TCF20: variants seen among roughly 807,000 people sequenced by gnomAD.
TCF20 encodes the protein transcription factor 20, also known as SPRE-binding protein.
In TCF20, 3 loss-of-function variants were observed where a neutral mutation model predicts 148.6. The observed-to-expected ratio is 0.02, with a 90% CI of 0.01 to 0.05. The LOEUF is 0.05. TCF20 is among the 10% of genes least tolerant of loss of function. The pLI, the probability that TCF20 is intolerant of heterozygous loss-of-function variation, is 1.00. For missense variants in TCF20, 2,350 were observed against 2,429.3 expected (o/e 0.97, Z 0.69); for synonymous variants, 1,049 against 909.5 (o/e 1.15, Z -2.76).
At chr22:42,249,167 C>A (rs1205869367) in intron 1 of TCF20, among the ~76,000 whole-genome samples, 4 of 152,206 alleles carry the variant, frequency 2.6e-5, no homozygotes. Flanking sequence ...CAGTGGCCCC[C>A]TGAATTCTGA....
At chr22:42,165,322 G>A (rs2147039783) in intron 5 of TCF20, among the ~76,000 whole-genome samples, 1 of 152,362 alleles carries the variant, frequency 6.6e-6, no homozygotes, top group South Asian at 2.1e-4. Flanking sequence ...TCTGTGCAGG[G>A]TACATAGCAT....
rs189679993 is a variant in TCF20, at chr22:42,290,910, C to T, written c.-37+52569G>A. ...TCAGGGGCTTTGCAAAGCACCCCCT[C>T]TTACCTTACCTCGGTACAACCTCAG... On this transcript the variant is annotated intron_variant, in intron 1 of 1. Transcript: ENST00000515426. The surrounding 1 kb of genome is among the most constrained non-coding windows in gnomAD (Gnocchi z 4.2). 7.2e-5 allele frequency among the ~76,000 whole-genome samples: 11 copies of T among 152,334 alleles called. No homozygotes were observed. In the East Asian group the frequency reaches 2.1e-3, roughly 29 times the overall value.
rs1447843951 is a variant in TCF20 at position 42,211,742 on chromosome 22, A to G, written c.3564T>C (p.Cys1188=). 10 of 1,614,192 alleles carry G rather than the reference A, an allele frequency of 6.2e-6. No homozygotes were observed. Among genetic ancestry groups the G allele is most frequent in the Non-Finnish European group, 7.6e-6 (9 of 1,180,038 alleles). ...KHGSQKLQES[C]WDLSRQTSPA... ...GAGAAGTTTGCCGAGAAAGATCCCA[A>G]CAGGATTCTTGTAACTTCTGGGAGC... The change falls in exon 2 of 6, where the codon TGT becomes TGC. Residue 1188 remains cysteine, a synonymous_variant. Transcript: ENST00000677622.
chr22:42,306,652 C>T (rs893336377), intron 1 of TCF20, among the ~76,000 whole-genome samples: 6 of 152,168 alleles, frequency 3.9e-5, no homozygotes, highest in South Asian at 2.1e-4. Flanking sequence ...TGGGTGCCTT[C>T]GCCTCAGGAG....
At chr22:42,185,524 A>G (rs1205339843) in intron 2 of TCF20, among the ~76,000 whole-genome samples, 1 of 152,158 alleles carries the variant, frequency 6.6e-6, no homozygotes, top group Non-Finnish European at 1.5e-5. Context: ...GCCACCAGCA[A>G]AAAGTTTTTT....
chr22:42,189,511 T>A (rs568941707), intron 2 of TCF20, among the ~76,000 whole-genome samples: 2 of 152,338 alleles, frequency 1.3e-5, no homozygotes, highest in African/African-American at 4.8e-5. Context: ...GAGAAACCTT[T>A]TATAGAACAC....
At chr22:42,198,231 A>G (rs1486997285) in intron 2 of TCF20, among the ~76,000 whole-genome samples, 1 of 152,244 alleles carries the variant, frequency 6.6e-6, no homozygotes, top group African/African-American at 2.4e-5. Context: ...CTACACTGTG[A>G]TGATGGAGAC....
At chr22:42,180,219 C>G (rs1258193154) in intron 2 of TCF20, among the ~76,000 whole-genome samples, 1 of 152,164 alleles carries the variant, frequency 6.6e-6, no homozygotes, top group Non-Finnish European at 1.5e-5. Context: ...TATTTTTGAT[C>G]TACTTACCCC....
chr22:42,287,095 G>A (rs1300672414), upstream of TCF20, among the ~76,000 whole-genome samples: 1 of 152,086 alleles, frequency 6.6e-6, no homozygotes, highest in African/African-American at 2.4e-5. Flanking sequence ...GCATGGATAG[G>A]AGGGTATGGG....
chr22:42,302,999 C>T (rs548570039), intron 1 of TCF20, among the ~76,000 whole-genome samples: 160 of 152,296 alleles, frequency 1.1e-3, no homozygotes, highest in African/African-American at 3.8e-3. Flanking sequence ...GCACAATCTC[C>T]GCTCACTGCA....
At chr22:42,312,349 A>G (rs1465563185) in intron 1 of TCF20, among the ~76,000 whole-genome samples, 1 of 152,148 alleles carries the variant, frequency 6.6e-6, no homozygotes, top group Non-Finnish European at 1.5e-5. Context: ...GCTGCTGAGA[A>G]TGAGATCCCC....
At chr22:42,230,781 C>T (rs984408461) in intron 1 of TCF20, among the ~76,000 whole-genome samples, 2 of 152,044 alleles carry the variant, frequency 1.3e-5, no homozygotes, top group East Asian at 3.8e-4. Context: ...TATTCTGACC[C>T]TGTGTAGGTT....
intron 2 of TCF20, among the ~76,000 whole-genome samples, chr22:42,194,069 A>C (rs1216983382): frequency 6.6e-6 from 1 of 152,192 alleles, no homozygotes; most frequent in Non-Finnish European, 1.5e-5. Flanking sequence ...AAGGAGCTAA[A>C]GGCAACAACT....
At chr22:42,289,015 C>T (rs1160732085) in intron 1 of TCF20, among the ~76,000 whole-genome samples, 1 of 152,226 alleles carries the variant, frequency 6.6e-6, no homozygotes, top group Non-Finnish European at 1.5e-5. Context: ...GATCAGGAGG[C>T]TCCTTTCCAG....
upstream of TCF20, among the ~76,000 whole-genome samples, chr22:42,287,262 A>T (rs889985910): frequency 6.6e-6 from 1 of 152,144 alleles, no homozygotes; most frequent in Non-Finnish European, 1.5e-5. Flanking sequence ...TTTGTTCTGG[A>T]CACATTATTG....
chr22:42,202,577 C>G (rs1005079529), intron 2 of TCF20, among the ~76,000 whole-genome samples: 1 of 152,236 alleles, frequency 6.6e-6, no homozygotes, highest in African/African-American at 2.4e-5. Context: ...CCTTCCGGGG[C>G]AAGTGTTTAG....
chr22:42,204,513 A>G (rs1315317779), intron 2 of TCF20, among the ~76,000 whole-genome samples: 1 of 151,832 alleles, frequency 6.6e-6, no homozygotes, highest in African/African-American at 2.4e-5. Flanking sequence ...AAGGAAAAAA[A>G]ACCCTAAATA....
chr22:42,201,383 C>T (rs1938002651), intron 2 of TCF20, among the ~76,000 whole-genome samples: 2 of 152,114 alleles, frequency 1.3e-5, no homozygotes, highest in South Asian at 2.1e-4. Context: ...AAGTATTTGT[C>T]CTGAATCATT....
chr22:42,312,441 GGGCCCCAGGCCTCAGA>G (rs1375799673), intron 1 of TCF20, among the ~76,000 whole-genome samples: 1 of 152,138 alleles, frequency 6.6e-6, no homozygotes, highest in African/African-American at 2.4e-5. Context: ...AGGCCAGGTG[GGGCCCCAGGCCTCAGA>G]GGAATATACA....
Sources: allele counts gnomAD v4.1 joint callset (sites outside exome capture counted in the v4.1 genomes callset), GRCh38; gene constraint gnomAD v4.1.1; non-coding constraint Gnocchi (gnomAD v3.1); transcripts MANE v1.5; gene names NCBI Gene and HGNC (gene_info 2026-07-23, HGNC 2026-07-21).